The following ILKAP variants were observed in gnomAD, a reference collection of about 807,000 sequenced individuals.
The protein encoded by ILKAP is ILK associated serine/threonine phosphatase, also known as integrin-linked kinase-associated serine/threonine phosphatase 2C.
In ILKAP, 11 loss-of-function variants were observed where a neutral mutation model predicts 49.1. That is an observed-to-expected ratio of 0.22 (90% CI 0.14 to 0.37). The LOEUF (loss-of-function observed/expected upper bound fraction) is 0.37, where lower values mean the gene tolerates loss of function less well. ILKAP is among the 10% of genes least tolerant of loss of function. ILKAP has a pLI of 1.00. For synonymous variants in ILKAP, 186 were observed against 192.8 expected, an observed-to-expected ratio of 0.96 and a Z score of 0.29; for missense variants, 363 against 510.8, an observed-to-expected ratio of 0.71 and a Z score of 2.79.
rs1008146712 is a variant in ILKAP at position 238,173,550 on chromosome 2, G to T, written c.940C>A (p.Leu314Met). Residue 314 changes from leucine to methionine, a missense_variant, in exon 10 of 12, where the codon CTG becomes ATG. Transcript: ENST00000254654. ...GCCTTTTACCTGTCATTGGGGGTCA[G>T]CTGGCAGCGTCTGATGTCGGGCACA... ...TSVPDIRRCQ[L>M]TPNDRFILLA... 6.2e-7 allele frequency: 1 copy of T among 1,613,554 alleles called. No homozygotes were observed. The highest frequency in any genetic ancestry group is 1.7e-5 in the Admixed American group (1 of 60,002).
At position 238,202,669 on chromosome 2, in the gene ILKAP, A is replaced by T. The variant is rs114125634; in HGVS notation, c.55+830T>A. On this transcript the variant is annotated intron_variant, in intron 1 of 11. Coordinates refer to ENST00000254654, the MANE Select transcript of ILKAP (RefSeq NM_030768.3). The stretch of plus-strand genomic sequence containing the variant: ...AATAAGGCCCTAAACTACAACATCA[A>T]GCTGGAAGTCTTGCATATGAAATAT... 6.7e-3 allele frequency among the ~76,000 whole-genome samples: 1,024 copies of T among 152,266 alleles called. 3 individuals are homozygous for T. Among genetic ancestry groups the T allele is most frequent in the African/African-American group, 0.023 (958 of 41,544 alleles).
intron 3 of ILKAP, among the ~76,000 whole-genome samples, chr2:238,191,371 G>T (rs935652954): frequency 3.9e-5 from 6 of 152,114 alleles, no homozygotes; most frequent in African/African-American, 1.4e-4. Context: ...AACCGCCTGT[G>T]TCAGACATTT....
At chr2:238,180,241 T>C (rs1232509465) in intron 9 of ILKAP, among the ~76,000 whole-genome samples, 1 of 151,892 alleles carries the variant, frequency 6.6e-6, no homozygotes, top group Admixed American at 6.6e-5. Flanking sequence ...GGATGCTGAC[T>C]AGACCCTGGT....
intron 3 of ILKAP, among the ~76,000 whole-genome samples, chr2:238,190,620 G>C (rs149162489): frequency 2.0e-4 from 31 of 152,306 alleles, no homozygotes; most frequent in Admixed American, 1.2e-3. Context: ...TCATCTCAGA[G>C]GGATGTTTGA....
chr2:238,170,860 G>C, intron 11 of ILKAP, 83 bp downstream of exon 11: 2 of 1,453,120 alleles, frequency 1.4e-6, no homozygotes, highest in African/African-American at 1.4e-5. Flanking sequence ...CACAATGGGA[G>C]GAAATGGGGT....
At chr2:238,181,922 A>T in intron 9 of ILKAP, 143 bp downstream of exon 9, 1 of 828,036 alleles carries the variant, frequency 1.2e-6, no homozygotes, top group Non-Finnish European at 1.9e-6. Context: ...TCATCCACCT[A>T]TGTCACCAGT....
At chr2:238,191,127 T>A (rs1273049503) in intron 3 of ILKAP, among the ~76,000 whole-genome samples, 3 of 151,670 alleles carry the variant, frequency 2.0e-5, no homozygotes, top group African/African-American at 4.8e-5. Flanking sequence ...GCTAATTTTT[T>A]AATTTTTTTG....
In ILKAP at chr2:238,198,064, A is replaced by AT. The variant is rs1459679209; in HGVS notation, c.56-3195dup. Among the ~76,000 whole-genome samples, 4 of 152,076 alleles carry AT rather than the reference A, an allele frequency of 2.6e-5. No homozygotes were observed. In the East Asian group the frequency reaches 7.7e-4, roughly 29 times the overall value. ...CCAGAAACTTCATAAACATCAACTC[A>AT]TTTTACCCTTACAACAATCCTATGA... On this transcript the variant is annotated intron_variant, in intron 1 of 11. Coordinates refer to ENST00000254654, the MANE Select transcript of ILKAP (RefSeq NM_030768.3).
In ILKAP at chr2:238,173,545, G is replaced by A. The variant is rs756030927; in HGVS notation, c.945C>T (p.Thr315=). Residue 315 remains threonine, a synonymous_variant, in exon 10 of 12, where the codon ACC becomes ACT. Transcript: ENST00000254654. ...ATAGGGCCTTTTACCTGTCATTGGG[G>A]GTCAGCTGGCAGCGTCTGATGTCGG... ...SVPDIRRCQL[T]PNDRFILLAC... is the part of the protein sequence containing the mutation. 1.9e-6 allele frequency: 3 copies of A among 1,613,560 alleles called. No individual in the cohort carries two copies. The highest frequency in any genetic ancestry group is 2.5e-6 in the Non-Finnish European group (3 of 1,179,610).
At chr2:238,176,555 T>C (rs1402029656) in intron 9 of ILKAP, among the ~76,000 whole-genome samples, 2 of 152,256 alleles carry the variant, frequency 1.3e-5, no homozygotes, top group Non-Finnish European at 2.9e-5. Context: ...GCTTTATTTC[T>C]CTTCTCTGTT....
intron 1 of ILKAP, among the ~76,000 whole-genome samples, chr2:238,201,180 T>C (rs949068221): frequency 3.3e-5 from 2 of 60,784 alleles, no homozygotes; most frequent in East Asian, 1.2e-3. Flanking sequence ...ATTCAAAGTA[T>C]GTTTTTTTTT....
Position 238,190,877 on chromosome 2 carries a change from T to TAAA in ILKAP, c.179-908_179-906dup, listed in dbSNP as rs57511265. ...GGCAAAGTAGTAAGACGTTTCTCTT[T>TAAA]AAAAAAAAAAAAAAAAAAAAAAAAA... On this transcript the variant is annotated intron_variant, in intron 3 of 11. Transcript: ENST00000254654. 1.1e-3 allele frequency among the ~76,000 whole-genome samples: 100 copies of TAAA among 95,126 alleles called. 1 individual carries two copies. Among genetic ancestry groups the TAAA allele is most frequent in the Admixed American group, 0.01 (77 of 7,692 alleles). The allele number at this position is 95,126 out of a possible 152,430, so 62.4% of individuals were successfully genotyped here.
intron 3 of ILKAP, among the ~76,000 whole-genome samples, chr2:238,191,214 C>T (rs1159552744): frequency 6.6e-6 from 1 of 151,152 alleles, no homozygotes; most frequent in East Asian, 1.9e-4. Flanking sequence ...AGTGACGCAA[C>T]GTCAGCTCAC....
chr2:238,184,625 C>T (rs1263526480), intron 6 of ILKAP, among the ~76,000 whole-genome samples: 1 of 151,992 alleles, frequency 6.6e-6, no homozygotes, highest in African/African-American at 2.4e-5. Context: ...AATGGTGCAA[C>T]TGTGGTTCAC....
rs1170904234 is a variant in ILKAP at position 238,198,810 on chromosome 2, T to C, written c.56-3940A>G. Among the ~76,000 whole-genome samples, 5 of 152,304 alleles carry C rather than the reference T, an allele frequency of 3.3e-5. No homozygotes were observed. The East Asian group carries it at 7.7e-4, about 23-fold the overall frequency. On this transcript the variant is annotated intron_variant, in intron 1 of 11. Transcript: ENST00000254654. Reference sequence around the variant, plus strand: ...GAAAAATACCCTTGGGTTGATCATATTCAGGTTAAAGGTTGCTGTATCCAA... The same window carrying C: ...GAAAAATACCCTTGGGTTGATCATACTCAGGTTAAAGGTTGCTGTATCCAA...
intron 3 of ILKAP, 123 bp from the exon 4 acceptor site, chr2:238,190,095 C>G (rs1694060429): frequency 7.3e-6 from 7 of 962,786 alleles, no homozygotes; most frequent in Non-Finnish European, 1.0e-5. Context: ...CTGGCAGACA[C>G]AGGCAGACCC....
chr2:238,172,573 G>T (rs531144243), intron 10 of ILKAP, among the ~76,000 whole-genome samples: 1 of 152,218 alleles, frequency 6.6e-6, no homozygotes, highest in Non-Finnish European at 1.5e-5. Flanking sequence ...CAGAGGCGGC[G>T]GCTGCTGGAG....
intron 3 of ILKAP, among the ~76,000 whole-genome samples, chr2:238,192,777 G>C (rs1159166463): frequency 6.6e-6 from 1 of 151,896 alleles, no homozygotes; most frequent in East Asian, 1.9e-4. Flanking sequence ...CACTTTGGGA[G>C]GCTGAGGCGG....
chr2:238,173,541 T>C lies in ILKAP; in HGVS notation c.949A>G (p.Asn317Asp). The change falls in exon 10 of 12, where the codon AAT becomes GAT. Residue 317 changes from asparagine to aspartate, a missense_variant. Coordinates refer to ENST00000254654, the MANE Select transcript of ILKAP (RefSeq NM_030768.3). ...TCTTATAGGGCCTTTTACCTGTCATTGGGGGTCAGCTGGCAGCGTCTGATG... is the reference window on the plus strand; with the variant it reads ...TCTTATAGGGCCTTTTACCTGTCATCGGGGGTCAGCTGGCAGCGTCTGATG... ...PDIRRCQLTP[N>D]DRFILLACDG... 6.2e-7 allele frequency: 1 copy of C among 1,613,476 alleles called. No homozygotes were observed. Among genetic ancestry groups the C allele is most frequent in the Non-Finnish European group, 8.5e-7 (1 of 1,179,546 alleles).
Sources: gnomAD v4.1 joint callset for allele counts (sites outside exome capture counted in the v4.1 genomes callset) on GRCh38, gnomAD v4.1.1 for gene constraint, MANE v1.5 for transcripts, NCBI Gene and HGNC (gene_info 2026-07-23, HGNC 2026-07-21) for gene names.